ZZEF1: variants seen among roughly 807,000 people sequenced by gnomAD.
The protein encoded by ZZEF1 is zinc finger ZZ-type and EF-hand domain-containing protein 1.
In ZZEF1, 157 loss-of-function variants were observed where a neutral mutation model predicts 342.8. That is an observed-to-expected ratio of 0.46 (90% CI 0.40 to 0.52). The LOEUF (loss-of-function observed/expected upper bound fraction) is 0.52. Among genes scored for constraint, ZZEF1 ranks in the 20% least tolerant of loss-of-function variants. The pLI is 0.00. For synonymous variants in ZZEF1, 1,505 were observed against 1,429.1 expected (o/e 1.05, Z -1.20); for missense variants, 3,480 against 3,725.6 (o/e 0.93, Z 1.72).
At chr17:4,019,229 T>A (rs956355323) in intron 46 of ZZEF1, among the ~76,000 whole-genome samples, 1 of 152,268 alleles carries the variant, frequency 6.6e-6, no homozygotes, top group South Asian at 2.1e-4. Flanking sequence ...GGAGACTGGA[T>A]TGCAGATATG....
intron 39 of ZZEF1, among the ~76,000 whole-genome samples, chr17:4,038,294 T>C (rs62072399): frequency 0.01 from 1,581 of 152,356 alleles, 14 homozygotes; most frequent in Non-Finnish European, 0.016. Flanking sequence ...CAGGCCAAGT[T>C]TGGCCTGCAT....
chr17:4,112,035 TATATATATATATA>T (rs1370042048), intron 5 of ZZEF1, among the ~76,000 whole-genome samples: 1 of 2,168 alleles, frequency 4.6e-4, no homozygotes. Context: ...CCTGTCTAAA[TATATATATATATA>T]TATATATATA....
At position 4,008,078 on chromosome 17, in the gene ZZEF1, CT is replaced by C. The variant is rs2055851390; in HGVS notation, c.8805+804del. Reference sequence around the variant, plus strand: ...TGGGGTCTGCAAGGTTCATTTTTGACTTTCCTTCTCCTGAGTATATGGTGGA... The same window carrying C: ...TGGGGTCTGCAAGGTTCATTTTTGACTTCCTTCTCCTGAGTATATGGTGGA... On this transcript the variant is annotated intron_variant, in intron 54 of 54. Transcript: ENST00000381638. The surrounding 1 kb of genome is among the most constrained non-coding windows in gnomAD (Gnocchi z 4.2). 6.6e-6 allele frequency among the ~76,000 whole-genome samples: 1 copy of C among 151,974 alleles called. No homozygotes were observed.
chr17:4,062,840 G>A lies in ZZEF1; in HGVS notation c.4796C>T (p.Ala1599Val). 1 of 1,613,626 alleles carries A rather than the reference G, an allele frequency of 6.2e-7. No homozygotes were observed. Among genetic ancestry groups the A allele is most frequent in the Non-Finnish European group, 8.5e-7 (1 of 1,179,806 alleles). The change falls in exon 30 of 55, where the codon GCA becomes GTA. Residue 1599 changes from alanine (A) to valine (V), a missense_variant. Ala to Val is a moderately conservative substitution (Grantham distance 64). This residue lies in a region of ZZEF1 where 1,528 missense variants were observed against 1,624.1 expected (regional missense o/e 0.94). Transcript: ENST00000381638. ...LEVLKITQHC[A>V]ESLGQPHCFH... ...GCAGTGGGGCTGCCCAAGGGATTCT[G>A]CACAGTGCTGAGTTATCTTCAGGAC...
At position 4,014,503 on chromosome 17, in the gene ZZEF1, T is replaced by G. The variant is rs755828748; in HGVS notation, c.8158A>C (p.Ile2720Leu). 8.7e-6 allele frequency: 14 copies of G among 1,614,186 alleles called. No homozygotes were observed. The highest frequency in any genetic ancestry group is 1.2e-5 in the Non-Finnish European group (14 of 1,180,020). The change falls in exon 50 of 55, where the codon ATT (isoleucine) becomes CTT (leucine). Residue 2720 changes from isoleucine to leucine, a missense_variant. Around this residue, in one of 5 missense-constraint regions of ZZEF1, gnomAD observed 1,269 missense variants for 1,342.4 expected, o/e 0.95. Coordinates refer to ENST00000381638, the MANE Select transcript of ZZEF1 (RefSeq NM_015113.4). The surrounding 1 kb of genome is among the most constrained non-coding windows in gnomAD (Gnocchi z 4.4). ...NNTNFEDKVH[I>L]PGAIYLSIKF... Reference sequence around the variant, plus strand: ...ATTGAGAGGTAGATGGCACCAGGAATGTGAACTTTATCCTAGGGAGGGGAA... The same window carrying G: ...ATTGAGAGGTAGATGGCACCAGGAAGGTGAACTTTATCCTAGGGAGGGGAA...
At chr17:4,055,211 A>C (rs1469532432) in intron 33 of ZZEF1, among the ~76,000 whole-genome samples, 1 of 152,208 alleles carries the variant, frequency 6.6e-6, no homozygotes, top group Non-Finnish European at 1.5e-5. Flanking sequence ...AGACCAGAGC[A>C]AATATGCCAA....
chr17:4,054,052 T>C lies in ZZEF1; in HGVS notation c.5434+5A>G, dbSNP rs2057105616. On this transcript the variant is annotated splice_donor_5th_base_variant and intron_variant, in intron 34 of 54. Coordinates refer to ENST00000381638, the MANE Select transcript of ZZEF1 (RefSeq NM_015113.4). Reference sequence around the variant, plus strand: ...GATACGGCGTACCCAGTTCATGAAATTTACCTAGGAAGCAAGTTTTGCAGA... The same window carrying C: ...GATACGGCGTACCCAGTTCATGAAACTTACCTAGGAAGCAAGTTTTGCAGA... 1 of 1,608,474 alleles carries C rather than the reference T, an allele frequency of 6.2e-7. No homozygotes were observed. The highest frequency in any genetic ancestry group is 8.5e-7 in the Non-Finnish European group (1 of 1,176,954).
At chr17:4,061,025 C>T (rs563781205) in intron 30 of ZZEF1, among the ~76,000 whole-genome samples, 1 of 152,330 alleles carries the variant, frequency 6.6e-6, no homozygotes, top group South Asian at 2.1e-4. Context: ...CAAAAACTTC[C>T]CCGTTTCTCT....
chr17:4,093,662 T>C (rs2145398845), intron 11 of ZZEF1, among the ~76,000 whole-genome samples: 1 of 152,270 alleles, frequency 6.6e-6, no homozygotes, highest in South Asian at 2.1e-4. Context: ...TTTTCACAAA[T>C]TCCCTGGCTG....
chr17:4,124,077 T>G, intron 1 of ZZEF1, 26 bp from the exon 2 acceptor site: 1 of 1,585,412 alleles, frequency 6.3e-7, no homozygotes, highest in Non-Finnish European at 8.6e-7. Context: ...TGCAAGAAAA[T>G]CAGGGCTGTT....
intron 2 of ZZEF1, among the ~76,000 whole-genome samples, chr17:4,117,416 C>T (rs553397802): frequency 1.3e-5 from 2 of 152,178 alleles, no homozygotes; most frequent in East Asian, 1.9e-4. Flanking sequence ...GAGGCCGAGG[C>T]GGACGGATGA....
chr17:4,065,996 C>T (rs533745081), intron 28 of ZZEF1, among the ~76,000 whole-genome samples: 13 of 151,780 alleles, frequency 8.6e-5, no homozygotes, highest in African/African-American at 2.9e-4. Context: ...TTAACACAGG[C>T]GATACAAAGA....
intron 39 of ZZEF1, 91 bp from the exon 40 acceptor site, chr17:4,034,383 C>T: frequency 7.2e-7 from 1 of 1,381,246 alleles, no homozygotes; most frequent in Non-Finnish European, 9.9e-7. Flanking sequence ...TTATTTACAG[C>T]TGGCCTAGTG....
chr17:4,055,238 A>G (rs894642823), intron 33 of ZZEF1, among the ~76,000 whole-genome samples: 1 of 152,238 alleles, frequency 6.6e-6, no homozygotes, highest in Non-Finnish European at 1.5e-5. Context: ...TTACAACTAC[A>G]GAACTCCCAA....
intron 13 of ZZEF1, among the ~76,000 whole-genome samples, chr17:4,088,120 C>T (rs2057873970): frequency 6.6e-6 from 1 of 152,168 alleles, no homozygotes; most frequent in Non-Finnish European, 1.5e-5. Context: ...CTGCTATACA[C>T]TACACATGCG....
In ZZEF1 at chr17:4,017,624, C is replaced by T. The variant is rs2056143831; in HGVS notation, c.7748G>A (p.Arg2583His). 3 of 1,614,182 alleles carry T rather than the reference C, an allele frequency of 1.9e-6. No individual in the cohort carries two copies. Among genetic ancestry groups the T allele is most frequent in the Non-Finnish European group, 2.5e-6 (3 of 1,180,040 alleles). ...SELQQSYAKQ[R>H]RSKSAALLHK... ...CAGGAGGGCGGCGCTCTTGCTACGG[C>T]GCTGCTTGGCATAGCTCTGCTGCAG... The change falls in exon 48 of 55, where the codon CGC (arginine) becomes CAC (histidine). Residue 2583 changes from arginine (R) to histidine (H), a missense_variant. Transcript: ENST00000381638. This position sits in a 1 kb window ranked among gnomAD's most constrained non-coding sequence, Gnocchi z 5.1.
At position 4,086,543 on chromosome 17, in the gene ZZEF1, T is replaced by C. The variant is rs756714194; in HGVS notation, c.2455A>G (p.Ile819Val). The change falls in exon 15 of 55, where the codon ATC (isoleucine) becomes GTC (valine). Residue 819 changes from isoleucine to valine, a missense_variant. Physicochemically the swap from Ile to Val is conservative, Grantham distance 29. Coordinates refer to ENST00000381638, the MANE Select transcript of ZZEF1 (RefSeq NM_015113.4). ...GCCTCTACTCCTTTAGGGCTTTGGATTGGAGCCTTTTCCTCCTCAGAAGCA... is the reference window on the plus strand; with the variant it reads ...GCCTCTACTCCTTTAGGGCTTTGGACTGGAGCCTTTTCCTCCTCAGAAGCA... ...LAASEEEKAP[I>V]QSPKGVEAAK... is the part of the protein sequence containing the mutation. The C allele has an allele frequency of 1.2e-6, 2 of 1,614,180 alleles. No individual in the cohort carries two copies. Among genetic ancestry groups the C allele is most frequent in the Admixed American group, 1.7e-5 (1 of 60,020 alleles).
chr17:4,029,489 C>T (rs539026632), intron 42 of ZZEF1, among the ~76,000 whole-genome samples: 4 of 149,962 alleles, frequency 2.7e-5, no homozygotes, highest in Admixed American at 1.3e-4. Flanking sequence ...CAAGGGACAC[C>T]GAAAAAGAAA....
chr17:4,067,034 G>T, intron 27 of ZZEF1, 129 bp downstream of exon 27: 1 of 708,632 alleles, frequency 1.4e-6, no homozygotes, highest in Non-Finnish European at 2.3e-6. Flanking sequence ...ATCTATTCAT[G>T]TCACTAAACT....
Sources: allele counts gnomAD v4.1 joint callset (sites outside exome capture counted in the v4.1 genomes callset), GRCh38; gene constraint gnomAD v4.1.1; regional missense constraint gnomAD v4.1.1; non-coding constraint Gnocchi (gnomAD v3.1); transcripts MANE v1.5; gene names NCBI Gene and HGNC (gene_info 2026-07-23, HGNC 2026-07-21).